Variants in CAMSAP1 observed in about 807,000 individuals in gnomAD.
CAMSAP1 encodes calmodulin regulated spectrin associated protein 1, also known as calmodulin-regulated spectrin-associated protein 1.
CAMSAP1 carries 58 observed loss-of-function variants against 143.5 expected under a neutral mutation model. That is an observed-to-expected ratio of 0.40 (90% CI 0.33 to 0.50). CAMSAP1 has a LOEUF of 0.50. Among genes scored for constraint, CAMSAP1 ranks in the 20% least tolerant of loss-of-function variants. The pLI is 0.45. For missense variants in CAMSAP1, 1,969 were observed against 2,115.7 expected, an observed-to-expected ratio of 0.93 and a Z score of 1.36; for synonymous variants, 945 against 859.3, an observed-to-expected ratio of 1.10 and a Z score of -1.74.
chr9:135,874,288 C>T (rs760073761), intron 3 of CAMSAP1, among the ~76,000 whole-genome samples: 103 of 152,200 alleles, frequency 6.8e-4, no homozygotes, highest in Admixed American at 1.4e-3. Flanking sequence ...GCCTGGGCAA[C>T]GTGGCAAAAT....
At chr9:135,869,399 A>C (rs1439750153) in intron 3 of CAMSAP1, among the ~76,000 whole-genome samples, 2 of 151,580 alleles carry the variant, frequency 1.3e-5, no homozygotes, top group African/African-American at 4.9e-5. Context: ...GCTACTTGAG[A>C]GGCTGAGGCA....
intron 14 of CAMSAP1, 66 bp downstream of exon 14, chr9:135,817,911 G>A: frequency 7.9e-7 from 1 of 1,268,092 alleles, no homozygotes; most frequent in Non-Finnish European, 1.1e-6. Flanking sequence ...GTTTAATCAG[G>A]AAGTCCCACC....
chr9:135,854,603 C>T (rs937422705), intron 5 of CAMSAP1, among the ~76,000 whole-genome samples: 2 of 152,046 alleles, frequency 1.3e-5, no homozygotes, highest in Non-Finnish European at 2.9e-5. Context: ...TCTGGGACTA[C>T]AGGTGCACAT....
At chr9:135,868,488 T>C (rs970053760) in intron 3 of CAMSAP1, among the ~76,000 whole-genome samples, 1 of 152,124 alleles carries the variant, frequency 6.6e-6, no homozygotes, top group African/African-American at 2.4e-5. Flanking sequence ...AAAAGAAAAC[T>C]ACTTTTTTCC....
intron 5 of CAMSAP1, among the ~76,000 whole-genome samples, chr9:135,853,425 C>A (rs1269252771): frequency 6.6e-6 from 1 of 152,158 alleles, no homozygotes; most frequent in East Asian, 1.9e-4. Context: ...GAGAGAGACA[C>A]AGAAATAACA....
chr9:135,818,408 G>T lies in CAMSAP1; in HGVS notation c.4168C>A (p.Pro1390Thr). The change falls in exon 13 of 17, where the codon CCT becomes ACT. Residue 1390 changes from proline (P) to threonine (T), a missense_variant and splice_region_variant. Around this residue, in one of 4 missense-constraint regions of CAMSAP1, gnomAD observed 1,390 missense variants for 1,420.8 expected, o/e 0.98. Transcript: ENST00000389532. The surrounding 1 kb of genome is among the most constrained non-coding windows in gnomAD (Gnocchi z 7.7). ...CCGCGTGAGGGCCGGGGCTGCTTAC[G>T]GGTGGAGGAGCACTTGGTGCCGGAG... Reference protein sequence around the residue: ...SDSGTKCSSTPDNLSRTQSGS... With the variant: ...SDSGTKCSSTTDNLSRTQSGS... 1.3e-6 allele frequency: 2 copies of T among 1,575,472 alleles called. No individual in the cohort carries two copies. The highest frequency in any genetic ancestry group is 1.7e-6 in the Non-Finnish European group (2 of 1,166,690).
chr9:135,848,810 G>A (rs1250527628), intron 7 of CAMSAP1, among the ~76,000 whole-genome samples: 1 of 152,208 alleles, frequency 6.6e-6, no homozygotes, highest in Non-Finnish European at 1.5e-5. Flanking sequence ...GTGTCCTGAT[G>A]CACAAGTACC....
intron 3 of CAMSAP1, among the ~76,000 whole-genome samples, chr9:135,873,926 C>T (rs1837647813): frequency 6.6e-6 from 1 of 152,044 alleles, no homozygotes; most frequent in Non-Finnish European, 1.5e-5. Flanking sequence ...AGAAAAAAAA[C>T]TAGAGACCAG....
chr9:135,869,370 G>A (rs1588489648), intron 3 of CAMSAP1, among the ~76,000 whole-genome samples: 1 of 152,016 alleles, frequency 6.6e-6, no homozygotes. Context: ...AGGTGTGGTG[G>A]CTCACACCTG....
In CAMSAP1 at chr9:135,904,483, C is replaced by T. The variant is rs541314729; in HGVS notation, c.160+2517G>A. Reference sequence around the variant, plus strand: ...ATCACTGGAGCCCAGGAGTTGGAGACCAGCCTGGGAAACACAGGCAGACTC... The same window carrying T: ...ATCACTGGAGCCCAGGAGTTGGAGATCAGCCTGGGAAACACAGGCAGACTC... On this transcript the variant is annotated intron_variant, in intron 1 of 16. Transcript: ENST00000389532. Among the ~76,000 whole-genome samples the T allele has an allele frequency of 5.3e-5, 8 of 152,024 alleles. No homozygotes were observed. The South Asian group carries it at 1.7e-3, about 32-fold the overall frequency.
intron 1 of CAMSAP1, among the ~76,000 whole-genome samples, chr9:135,886,827 T>C (rs1413728734): frequency 3.3e-5 from 5 of 152,200 alleles, no homozygotes; most frequent in Non-Finnish European, 5.9e-5. Context: ...GGGGAACCAC[T>C]GCCCAGGAGG....
chr9:135,856,765 T>A (rs1836994151), intron 5 of CAMSAP1, among the ~76,000 whole-genome samples: 1 of 152,216 alleles, frequency 6.6e-6, no homozygotes, highest in Non-Finnish European at 1.5e-5. Flanking sequence ...TGCACAACTC[T>A]TCATTTCTCC....
chr9:135,882,794 G>T lies in CAMSAP1; in HGVS notation c.423+22C>A. ...CGGCTCCAGAGGATGGCCCCTGGGG[G>T]CGGCCACCGCAGACCACTCACCATT... On this transcript the variant is annotated intron_variant, in intron 2 of 16. Transcript: ENST00000389532. The surrounding 1 kb of genome is among the most constrained non-coding windows in gnomAD (Gnocchi z 4.9). 1.9e-6 allele frequency: 3 copies of T among 1,540,868 alleles called. No individual in the cohort carries two copies. Among genetic ancestry groups the T allele is most frequent in the Non-Finnish European group, 2.6e-6 (3 of 1,142,078 alleles).
At chr9:135,881,512 A>G in intron 3 of CAMSAP1, 121 bp downstream of exon 3, 1 of 1,154,160 alleles carries the variant, frequency 8.7e-7, no homozygotes, top group Non-Finnish European at 1.2e-6. Context: ...GACACAAAAT[A>G]TGACTGGTCC....
chr9:135,897,613 T>A (rs1838495073), intron 1 of CAMSAP1, among the ~76,000 whole-genome samples: 1 of 152,164 alleles, frequency 6.6e-6, no homozygotes, highest in South Asian at 2.1e-4. Flanking sequence ...GACAGAGAAC[T>A]ATCTGCTTGG....
chr9:135,836,775 T>C, intron 7 of CAMSAP1: 2 of 979,190 alleles, frequency 2.0e-6, no homozygotes, highest in South Asian at 9.5e-5. Flanking sequence ...TCTACCCTGT[T>C]CTACAGACAC....
intron 3 of CAMSAP1, among the ~76,000 whole-genome samples, chr9:135,879,825 G>T (rs1837877683): frequency 6.6e-6 from 1 of 151,830 alleles, no homozygotes; most frequent in Non-Finnish European, 1.5e-5. Context: ...ATCACAGAAG[G>T]GCCACAGGGG....
chr9:135,875,626 C>CA (rs1837717952), intron 3 of CAMSAP1, among the ~76,000 whole-genome samples: 1 of 152,228 alleles, frequency 6.6e-6, no homozygotes, highest in South Asian at 2.1e-4. Flanking sequence ...AATCCAGAAA[C>CA]AGACTCACAT....
At chr9:135,814,165 A>G (rs1237965022) in intron 16 of CAMSAP1, among the ~76,000 whole-genome samples, 1 of 152,236 alleles carries the variant, frequency 6.6e-6, no homozygotes, top group East Asian at 1.9e-4. Flanking sequence ...TTCTGTCCCC[A>G]GTGCCACGAG....
Sources: gnomAD v4.1 joint callset for allele counts (sites outside exome capture counted in the v4.1 genomes callset) on GRCh38, gnomAD v4.1.1 for gene constraint, gnomAD v4.1.1 regional missense constraint, Gnocchi (gnomAD v3.1) non-coding constraint, MANE v1.5 for transcripts, NCBI Gene and HGNC (gene_info 2026-07-23, HGNC 2026-07-21) for gene names.